Variants in SLC25A13 observed in about 807,000 individuals in gnomAD.
SLC25A13 encodes solute carrier family 25 member 13, also known as electrogenic aspartate/glutamate antiporter SLC25A13, mitochondrial.
Under a neutral mutation model 85.5 loss-of-function variants are expected in SLC25A13, and 70 were observed. That is an observed-to-expected ratio of 0.82 (90% confidence interval 0.68 to 1.00). SLC25A13 has a LOEUF of 1.00. Ranked by LOEUF, SLC25A13 falls within the 50% of genes least tolerant of loss-of-function variation. SLC25A13 has a pLI of 0.00. For synonymous variants in SLC25A13, 259 were observed against 288.7 expected (o/e 0.90, Z 1.04); for missense variants, 765 against 819.8 (o/e 0.93, Z 0.82).
chr7:96,206,088 G>C (rs1795450624), intron 5 of SLC25A13, among the ~76,000 whole-genome samples: 1 of 152,210 alleles, frequency 6.6e-6, no homozygotes, highest in Non-Finnish European at 1.5e-5. Flanking sequence ...ATAGAGGAGT[G>C]CTGTCTCTAC....
intron 13 of SLC25A13, among the ~76,000 whole-genome samples, chr7:96,167,900 C>G (rs538019195): frequency 6.6e-6 from 1 of 151,946 alleles, no homozygotes; most frequent in Admixed American, 6.6e-5. Context: ...GAGATTGAGA[C>G]CATCCTGGCC....
At chr7:96,299,239 T>C (rs1160973027) in intron 1 of SLC25A13, among the ~76,000 whole-genome samples, 1 of 152,166 alleles carries the variant, frequency 6.6e-6, no homozygotes, top group Non-Finnish European at 1.5e-5. Flanking sequence ...GAAATGTATA[T>C]TCAGTGCTCC....
Position 96,316,956 on chromosome 7 carries a change from A to C in SLC25A13, c.15+4986T>G, listed in dbSNP as rs140069977. Among the ~76,000 whole-genome samples, 75 of 152,208 alleles carry C rather than the reference A, an allele frequency of 4.9e-4. 1 individual carries two copies. The highest frequency in any genetic ancestry group is 1.7e-3 in the African/African-American group (71 of 41,534). On this transcript the variant is annotated intron_variant, in intron 1 of 17. Transcript: ENST00000265631. Reference sequence around the variant, plus strand: ...ACCCCAGCTCGATAATTTCCTAATTATCCGATCTTTTTTATTTTATTTTAT... The same window carrying C: ...ACCCCAGCTCGATAATTTCCTAATTCTCCGATCTTTTTTATTTTATTTTAT...
intron 14 of SLC25A13, among the ~76,000 whole-genome samples, chr7:96,145,722 GTGGGTTAAA>G (rs1792756201): frequency 6.6e-6 from 1 of 152,162 alleles, no homozygotes; most frequent in Admixed American, 6.5e-5. Context: ...GACCTAAAAA[GTGGGTTAAA>G]TGGAGCTCAA....
At chr7:96,240,065 A>G (rs774090148) in intron 3 of SLC25A13, among the ~76,000 whole-genome samples, 2 of 152,226 alleles carry the variant, frequency 1.3e-5, no homozygotes, top group Non-Finnish European at 2.9e-5. Context: ...TCTTCACTGT[A>G]GCGTAACTTT....
At chr7:96,157,513 A>G (rs1460148497) in intron 13 of SLC25A13, among the ~76,000 whole-genome samples, 2 of 152,114 alleles carry the variant, frequency 1.3e-5, no homozygotes, top group Non-Finnish European at 2.9e-5. Flanking sequence ...TTAAAAACAG[A>G]TTTTTAAGGG....
intron 15 of SLC25A13, among the ~76,000 whole-genome samples, chr7:96,124,800 G>T (rs1791659185): frequency 6.6e-6 from 1 of 152,126 alleles, no homozygotes. Flanking sequence ...TCTGCTTCCA[G>T]TTATTTCCCT....
intron 4 of SLC25A13, among the ~76,000 whole-genome samples, chr7:96,228,942 C>A (rs899493030): frequency 6.6e-6 from 1 of 152,166 alleles, no homozygotes; most frequent in Non-Finnish European, 1.5e-5. Context: ...AGCTGACTCC[C>A]GGCGGGGCAG....
chr7:96,274,999 T>C (rs1209587457), intron 3 of SLC25A13, among the ~76,000 whole-genome samples: 1 of 152,240 alleles, frequency 6.6e-6, no homozygotes, highest in Non-Finnish European at 1.5e-5. Flanking sequence ...TGGGCTCTTT[T>C]TCGATTCCAT....
At chr7:96,320,079 A>T (rs1800281307) in intron 1 of SLC25A13, among the ~76,000 whole-genome samples, 1 of 152,220 alleles carries the variant, frequency 6.6e-6, no homozygotes, top group South Asian at 2.1e-4. Context: ...ATCTCGGCTC[A>T]CTGCAATCTC....
intron 3 of SLC25A13, among the ~76,000 whole-genome samples, chr7:96,240,688 G>C (rs992763540): frequency 6.7e-6 from 1 of 149,492 alleles, no homozygotes; most frequent in Non-Finnish European, 1.5e-5. Context: ...AGACTGCAGT[G>C]AGCTATGACT....
chr7:96,150,403 C>T (rs1792986141), intron 13 of SLC25A13, among the ~76,000 whole-genome samples: 2 of 152,080 alleles, frequency 1.3e-5, no homozygotes, highest in Non-Finnish European at 2.9e-5. Flanking sequence ...TACATATTTT[C>T]AGTCCACTCA....
chr7:96,137,752 G>A (rs1481672072), intron 14 of SLC25A13, among the ~76,000 whole-genome samples: 1 of 152,156 alleles, frequency 6.6e-6, no homozygotes, highest in African/African-American at 2.4e-5. Flanking sequence ...AGCCTCCCAA[G>A]TAGCTGGGAC....
At chr7:96,279,319 A>G (rs1798576220) in intron 2 of SLC25A13, among the ~76,000 whole-genome samples, 1 of 152,100 alleles carries the variant, frequency 6.6e-6, no homozygotes, top group Non-Finnish European at 1.5e-5. Flanking sequence ...TACTTTTCTA[A>G]GCTTAGACAC....
chr7:96,164,770 G>A (rs1191950220), intron 13 of SLC25A13, among the ~76,000 whole-genome samples: 2 of 142,646 alleles, frequency 1.4e-5, no homozygotes, highest in Non-Finnish European at 3.1e-5. Context: ...CATCCCTGTT[G>A]GCAATTCTCA....
intron 7 of SLC25A13, among the ~76,000 whole-genome samples, chr7:96,189,893 C>T (rs566830382): frequency 6.6e-6 from 1 of 152,110 alleles, no homozygotes; most frequent in East Asian, 1.9e-4. Flanking sequence ...AGTTTAAAAG[C>T]TTGGGGTCAT....
chr7:96,174,359 T>C (rs1794132098), intron 11 of SLC25A13, among the ~76,000 whole-genome samples: 1 of 152,188 alleles, frequency 6.6e-6, no homozygotes, highest in Non-Finnish European at 1.5e-5. Flanking sequence ...AGCATTCTTA[T>C]CCAAAGCAAG....
intron 3 of SLC25A13, among the ~76,000 whole-genome samples, chr7:96,255,048 G>T (rs919054158): frequency 7.2e-5 from 11 of 152,030 alleles, no homozygotes; most frequent in African/African-American, 2.7e-4. Context: ...TAAGTTGGTG[G>T]CAAAACCACA....
intron 15 of SLC25A13, among the ~76,000 whole-genome samples, chr7:96,124,718 G>C (rs903699748): frequency 6.6e-6 from 1 of 152,076 alleles, no homozygotes; most frequent in East Asian, 1.9e-4. Context: ...GTTATTACTA[G>C]GGGTACTGAA....
Sources: allele counts gnomAD v4.1 joint callset (sites outside exome capture counted in the v4.1 genomes callset), GRCh38; gene constraint gnomAD v4.1.1; transcripts MANE v1.5; gene names NCBI Gene and HGNC (gene_info 2026-07-23, HGNC 2026-07-21).